MYO10: variants seen among roughly 807,000 people sequenced by gnomAD.
MYO10 encodes the protein myosin X, also known as unconventional myosin-X.
Under a neutral mutation model 257.3 loss-of-function variants are expected in MYO10, and 133 were observed. The observed-to-expected ratio is 0.52, with a 90% confidence interval of 0.45 to 0.60. The LOEUF is 0.60. MYO10 is among the 20% of genes least tolerant of loss of function. The probability of loss-of-function intolerance (pLI) is 0.00; values close to 1 mark genes in which losing one functional copy is unlikely to be tolerated. For synonymous variants in MYO10, 1,104 were observed against 1,028.6 expected, an observed-to-expected ratio of 1.07 and a Z score of -1.40; for missense variants, 2,399 against 2,635.7, an observed-to-expected ratio of 0.91 and a Z score of 1.97.
In MYO10 at chr5:16,764,335, A is replaced by G. The variant is rs1312168332; in HGVS notation, c.1241T>C (p.Ile414Thr). The change falls in exon 12 of 41, where the codon ATC becomes ACC. Residue 414 changes from isoleucine to threonine, a missense_variant. Around this residue, in one of 3 missense-constraint regions of MYO10, gnomAD observed 337 missense variants for 446.8 expected, o/e 0.75. Coordinates refer to ENST00000513610, the MANE Select transcript of MYO10 (RefSeq NM_012334.3). ...TTTGATCCTGCTGTTGATCTTCTTG[A>G]TTACCCACTCAAAGCAGCACGCATA... is the stretch of plus-strand genomic sequence containing the variant. Reference protein sequence around the residue: ...ALYACCFEWVIKKINSRIKGN... With the variant: ...ALYACCFEWVTKKINSRIKGN... The G allele has an allele frequency of 1.9e-6, 3 of 1,613,864 alleles. No homozygotes were observed. The highest frequency in any genetic ancestry group is 2.5e-6 in the Non-Finnish European group (3 of 1,179,858).
intron 1 of MYO10, among the ~76,000 whole-genome samples, chr5:16,912,954 T>C (rs1048124360): frequency 2.0e-5 from 3 of 149,132 alleles, no homozygotes; most frequent in African/African-American, 7.5e-5. Context: ...CACCTGCCAA[T>C]TGAACACCAG....
At chr5:16,716,494 T>A (rs1451078225) in intron 19 of MYO10, among the ~76,000 whole-genome samples, 1 of 75,410 alleles carries the variant, frequency 1.3e-5, no homozygotes, top group African/African-American at 5.6e-5. Flanking sequence ...TCATGAACAG[T>A]GCATGACAAT....
chr5:16,881,145 T>C (rs561356249), intron 1 of MYO10, among the ~76,000 whole-genome samples: 1 of 152,324 alleles, frequency 6.6e-6, no homozygotes, highest in East Asian at 1.9e-4. Flanking sequence ...TGACCATCAC[T>C]AGCATTGTTT....
intron 1 of MYO10, among the ~76,000 whole-genome samples, chr5:16,887,679 C>T (rs1219627681): frequency 1.3e-5 from 2 of 152,050 alleles, no homozygotes; most frequent in Non-Finnish European, 2.9e-5. Flanking sequence ...TTAGTAGAGA[C>T]TGGGTTTCAC....
intron 1 of MYO10, among the ~76,000 whole-genome samples, chr5:16,929,765 T>C (rs757051127): frequency 6.6e-6 from 1 of 152,204 alleles, no homozygotes; most frequent in Non-Finnish European, 1.5e-5. Context: ...GGGAAAAGTC[T>C]ACATGTTCAG....
chr5:16,673,220 G>T (rs887578598), intron 36 of MYO10, among the ~76,000 whole-genome samples: 1 of 151,858 alleles, frequency 6.6e-6, no homozygotes, highest in Non-Finnish European at 1.5e-5. Flanking sequence ...GAAGCCTTGG[G>T]GGGTGGGGGT....
chr5:16,915,962 GAAA>G (rs10541432), intron 1 of MYO10: 31,769 of 390,080 alleles, frequency 0.081, 271 homozygotes, highest in African/African-American at 0.12. Flanking sequence ...ACGTCAAAAA[GAAA>G]AAAAAAAAAA....
intron 2 of MYO10, among the ~76,000 whole-genome samples, chr5:16,830,986 T>C (rs937966767): frequency 6.6e-6 from 1 of 152,136 alleles, no homozygotes; most frequent in Admixed American, 6.5e-5. Flanking sequence ...ATGATCTGTA[T>C]CCACTGCGTC....
intron 2 of MYO10, among the ~76,000 whole-genome samples, chr5:16,848,121 T>C (rs1743689869): frequency 6.7e-6 from 1 of 148,696 alleles, no homozygotes; most frequent in Non-Finnish European, 1.5e-5. Context: ...TCTGGCAGTT[T>C]GGGAAGCATG....
chr5:16,758,219 A>G lies in MYO10; in HGVS notation c.1747T>C (p.Phe583Leu). ...ACATGTTCAAAAAGATCGTAGATAA[A>G]GTCAAATCTGTGTGAGGCAAGAGCA... is the stretch of plus-strand genomic sequence containing the variant. Reference protein sequence around the residue: ...LNLLRESRFDFIYDLFEHVSS... With the variant: ...LNLLRESRFDLIYDLFEHVSS... Residue 583 changes from phenylalanine (F) to leucine (L), a missense_variant, in exon 18 of 41, where the codon TTT (phenylalanine) becomes CTT (leucine). By Grantham distance (22) the Phe-to-Leu change is conservative. Transcript: ENST00000513610. The G allele has an allele frequency of 6.2e-7, 1 of 1,608,070 alleles. No homozygotes were observed. Among genetic ancestry groups the G allele is most frequent in the Non-Finnish European group, 8.5e-7 (1 of 1,174,520 alleles).
chr5:16,834,061 C>T (rs75801728), intron 2 of MYO10, among the ~76,000 whole-genome samples: 5,387 of 152,174 alleles, frequency 0.035, 133 homozygotes, highest in Admixed American at 0.079. Flanking sequence ...TGACTCCATA[C>T]GCATTAGATT....
intron 2 of MYO10, among the ~76,000 whole-genome samples, chr5:16,864,411 CACACACA>C (rs1390682344): frequency 6.6e-6 from 1 of 152,164 alleles, no homozygotes; most frequent in Non-Finnish European, 1.5e-5. Context: ...AAATCTAACA[CACACACA>C]TGATACAGGT....
chr5:16,769,293 G>A (rs1740976024), intron 9 of MYO10, 90 bp from the exon 10 acceptor site: 1 of 1,345,250 alleles, frequency 7.4e-7, no homozygotes, highest in Admixed American at 3.1e-5. Flanking sequence ...ATTACTAGGT[G>A]TTATTGAAAA....
At chr5:16,923,138 C>G (rs1296355919) in intron 1 of MYO10, among the ~76,000 whole-genome samples, 2 of 152,130 alleles carry the variant, frequency 1.3e-5, no homozygotes, top group Non-Finnish European at 2.9e-5. Flanking sequence ...GTTTCTTCAG[C>G]CTTCAACTGC....
Position 16,670,958 on chromosome 5 carries a change from A to G in MYO10, c.5451T>C (p.His1817=), listed in dbSNP as rs749815246. Residue 1817 remains histidine, a synonymous_variant, in exon 39 of 41, where the codon CAT becomes CAC. Coordinates refer to ENST00000513610, the MANE Select transcript of MYO10 (RefSeq NM_012334.3). The stretch of plus-strand genomic sequence containing the variant: ...TTTCTTCCGGGGCTGGATGGTGGCC[A>G]TGGATAACCGCTTCGTGGGCCTGAA... ...MFEQAHEAVI[H]GHHPAPEENL... is the part of the protein sequence containing the mutation. The G allele has an allele frequency of 9.0e-5, 145 of 1,610,528 alleles. No homozygotes were observed. Among genetic ancestry groups the G allele is most frequent in the Non-Finnish European group, 1.2e-4 (143 of 1,177,184 alleles).
chr5:16,718,979 G>A (rs1292055860), intron 19 of MYO10, among the ~76,000 whole-genome samples: 1 of 152,184 alleles, frequency 6.6e-6, no homozygotes, highest in East Asian at 1.9e-4. Flanking sequence ...GATGTGGGTG[G>A]GGCCAGATAA....
At chr5:16,677,821 C>T (rs993274176) in intron 33 of MYO10, among the ~76,000 whole-genome samples, 24 of 151,386 alleles carry the variant, frequency 1.6e-4, no homozygotes, top group Non-Finnish European at 3.2e-4. Flanking sequence ...AGTGCAATGG[C>T]GTGATCTCGG....
At chr5:16,879,854 C>T (rs1192179416) in intron 1 of MYO10, among the ~76,000 whole-genome samples, 1 of 152,190 alleles carries the variant, frequency 6.6e-6, no homozygotes, top group African/African-American at 2.4e-5. Context: ...ACTCCATTCC[C>T]TCAGTGCCCA....
At chr5:16,756,812 A>AAAG (rs1305790165) in intron 18 of MYO10, among the ~76,000 whole-genome samples, 1 of 152,038 alleles carries the variant, frequency 6.6e-6, no homozygotes, top group Non-Finnish European at 1.5e-5. Context: ...ACATTTCAAA[A>AAAG]ACCCAAGGGT....
Sources: gnomAD v4.1 joint callset for allele counts (sites outside exome capture counted in the v4.1 genomes callset) on GRCh38, gnomAD v4.1.1 for gene constraint, gnomAD v4.1.1 regional missense constraint, MANE v1.5 for transcripts, NCBI Gene and HGNC (gene_info 2026-07-23, HGNC 2026-07-21) for gene names.